BCKDHB: variants seen among roughly 807,000 people sequenced by gnomAD.
BCKDHB encodes 2-oxoisovalerate dehydrogenase subunit beta, mitochondrial.
A neutral mutation model predicts 48.5 loss-of-function variants in BCKDHB; 41 were observed. The observed-to-expected ratio is 0.85, with a 90% confidence interval of 0.66 to 1.10. The LOEUF is 1.10. Among genes scored for constraint, BCKDHB ranks in the 50% least tolerant of loss-of-function variants. The pLI is 0.00. For missense variants in BCKDHB, 496 were observed against 494.2 expected, an observed-to-expected ratio of 1.00 and a Z score of -0.03; for synonymous variants, 201 against 174.8, an observed-to-expected ratio of 1.15 and a Z score of -1.18.
At chr6:80,111,444 T>G (rs954538312) in intron 1 of BCKDHB, among the ~76,000 whole-genome samples, 1 of 152,218 alleles carries the variant, frequency 6.6e-6, no homozygotes, top group African/African-American at 2.4e-5. Flanking sequence ...TAACTGATGC[T>G]CTCGCATTTT....
chr6:80,205,089 C>T (rs562682266), intron 8 of BCKDHB, among the ~76,000 whole-genome samples: 1 of 152,096 alleles, frequency 6.6e-6, no homozygotes, highest in East Asian at 1.9e-4. Context: ...AGACTCTCTT[C>T]GTTGCTGATG....
chr6:80,265,636 G>A (rs998495567), intron 8 of BCKDHB, among the ~76,000 whole-genome samples: 1 of 152,006 alleles, frequency 6.6e-6, no homozygotes, highest in Non-Finnish European at 1.5e-5. Context: ...TGATGGTTGT[G>A]TAATAATGTG....
Position 80,345,876 on chromosome 6 carries a change from C to T in BCKDHB, c.*2072C>T, listed in dbSNP as rs183153737. The T allele has an allele frequency of 3.0e-4, 45 of 151,922 alleles. No individual in the cohort carries two copies. In the East Asian group the frequency reaches 7.7e-3, roughly 26 times the overall value. 9.4% of individuals were successfully genotyped at this position (151,922 alleles called of 1,614,324 possible). ...AACATTTAAACCTATGCTGAAAATA[C>T]GATAAAAGAAAAACAACTCCAATAT... On this transcript the variant is annotated 3_prime_UTR_variant, in exon 10 of 10. Transcript: ENST00000320393.
chr6:80,303,335 C>T (rs1767682489), intron 9 of BCKDHB, among the ~76,000 whole-genome samples: 2 of 151,946 alleles, frequency 1.3e-5, no homozygotes, highest in Non-Finnish European at 2.9e-5. Flanking sequence ...ATTTATTTAA[C>T]GAGTTAAGTT....
At chr6:80,188,473 C>T (rs1482075023) in intron 6 of BCKDHB, among the ~76,000 whole-genome samples, 1 of 151,384 alleles carries the variant, frequency 6.6e-6, no homozygotes, top group Non-Finnish European at 1.5e-5. Context: ...CCCGTCTCTA[C>T]AAAAAAAATA....
chr6:80,249,038 A>G (rs181573560), intron 8 of BCKDHB, among the ~76,000 whole-genome samples: 29 of 151,900 alleles, frequency 1.9e-4, no homozygotes, highest in African/African-American at 6.8e-4. Flanking sequence ...AAAATGATTG[A>G]CAACCATAGG....
At chr6:80,316,247 A>G (rs971263919) in intron 9 of BCKDHB, among the ~76,000 whole-genome samples, 1 of 152,182 alleles carries the variant, frequency 6.6e-6, no homozygotes, top group African/African-American at 2.4e-5. Flanking sequence ...TCACAGTCCA[A>G]TTATCTTAAG....
At chr6:80,329,525 C>A (rs930762471) in intron 9 of BCKDHB, among the ~76,000 whole-genome samples, 1 of 152,132 alleles carries the variant, frequency 6.6e-6, no homozygotes, top group Non-Finnish European at 1.5e-5. Context: ...GTCTTCCTGG[C>A]AGGGCTGGTC....
chr6:80,340,249 A>G (rs1769818691), intron 9 of BCKDHB, among the ~76,000 whole-genome samples: 1 of 152,184 alleles, frequency 6.6e-6, no homozygotes, highest in African/African-American at 2.4e-5. Flanking sequence ...CCAACAGAAT[A>G]TATGTAGGCG....
chr6:80,453,540 T>C, the BCKDHB span, among the ~76,000 whole-genome samples: 7 of 152,194 alleles, frequency 4.6e-5, no homozygotes, highest in African/African-American at 1.7e-4. Context: ...CCTGAAAATA[T>C]AGAACAATTT....
At chr6:80,234,327 T>A (rs1428921545) in intron 8 of BCKDHB, among the ~76,000 whole-genome samples, 1 of 152,218 alleles carries the variant, frequency 6.6e-6, no homozygotes, top group Non-Finnish European at 1.5e-5. Context: ...ACTATTTAGT[T>A]TAGAACAATG....
chr6:80,175,706 G>A (rs1052433267), intron 6 of BCKDHB, among the ~76,000 whole-genome samples: 1 of 152,192 alleles, frequency 6.6e-6, no homozygotes, highest in Non-Finnish European at 1.5e-5. Flanking sequence ...ACACTGCATT[G>A]TTTAAAGGAA....
the BCKDHB span, among the ~76,000 whole-genome samples, chr6:80,368,735 G>A: frequency 0.39 from 58,477 of 151,816 alleles, 12,491 homozygotes; most frequent in East Asian, 0.66. Flanking sequence ...CCAGCCCTGG[G>A]CATGGTGGCT....
chr6:80,293,926 C>A (rs1157902055), intron 9 of BCKDHB, among the ~76,000 whole-genome samples: 2 of 152,190 alleles, frequency 1.3e-5, no homozygotes, highest in Non-Finnish European at 2.9e-5. Context: ...AGTTCTTCAT[C>A]TCTATCTGAG....
Position 80,343,983 on chromosome 6 carries a change from G to C in BCKDHB, c.*179G>C. 1.4e-6 allele frequency: 1 copy of C among 724,314 alleles called. No homozygotes were observed. The highest frequency in any genetic ancestry group is 2.3e-6 in the Non-Finnish European group (1 of 440,822). 44.9% of individuals were successfully genotyped at this position (724,314 alleles called of 1,614,324 possible). A position where few individuals can be genotyped will look rare whatever the true frequency, so the allele number is the denominator to read the frequency against. ...TTTAGAAAAAAAATTCAAATTTATAGTAGTATATTTACATTTTTGTTGTTG... is the reference window on the plus strand; with the variant it reads ...TTTAGAAAAAAAATTCAAATTTATACTAGTATATTTACATTTTTGTTGTTG... On this transcript the variant is annotated 3_prime_UTR_variant, in exon 10 of 10. Transcript: ENST00000320393.
chr6:80,211,278 A>T (rs1206156741), intron 8 of BCKDHB, among the ~76,000 whole-genome samples: 2 of 152,200 alleles, frequency 1.3e-5, no homozygotes, highest in Non-Finnish European at 2.9e-5. Flanking sequence ...AAAATGTATA[A>T]GAATTTGCCT....
intron 1 of BCKDHB, among the ~76,000 whole-genome samples, chr6:80,120,552 T>G (rs1367390005): frequency 6.6e-6 from 1 of 152,218 alleles, no homozygotes; most frequent in Non-Finnish European, 1.5e-5. Context: ...ATGATTGCCA[T>G]TCTAAATGGT....
the BCKDHB span, among the ~76,000 whole-genome samples, chr6:80,407,604 C>G: frequency 2.0e-5 from 3 of 152,106 alleles, no homozygotes; most frequent in African/African-American, 7.2e-5. Context: ...GTATTTTATT[C>G]CCTTTGTAGC....
chr6:80,326,674 G>A (rs923251572), intron 9 of BCKDHB, among the ~76,000 whole-genome samples: 1 of 152,086 alleles, frequency 6.6e-6, no homozygotes, highest in Non-Finnish European at 1.5e-5. Context: ...GATCACTTGA[G>A]GTCAGTAGTT....
Sources: gnomAD v4.1 joint callset for allele counts (sites outside exome capture counted in the v4.1 genomes callset) on GRCh38, gnomAD v4.1.1 for gene constraint, MANE v1.5 for transcripts, NCBI Gene and HGNC (gene_info 2026-07-23, HGNC 2026-07-21) for gene names.